KCNN3: variants seen among roughly 807,000 people sequenced by gnomAD.
The protein encoded by KCNN3 is small conductance calcium-activated potassium channel protein 3.
In KCNN3, 16 loss-of-function variants were observed where a neutral mutation model predicts 62.9. That is an observed-to-expected ratio of 0.25 (90% CI 0.17 to 0.39). The LOEUF (loss-of-function observed/expected upper bound fraction) is 0.39, where lower values mean the gene tolerates loss of function less well. Among genes scored for constraint, KCNN3 ranks in the 10% least tolerant of loss-of-function variants. KCNN3 has a pLI of 1.00. For missense variants in KCNN3, 599 were observed against 949.4 expected (o/e 0.63, Z 4.85); for synonymous variants, 370 against 389.2 (o/e 0.95, Z 0.58).
intron 4 of KCNN3, among the ~76,000 whole-genome samples, chr1:154,726,878 G>A (rs1289146037): frequency 6.6e-6 from 1 of 152,228 alleles, no homozygotes; most frequent in African/African-American, 2.4e-5. Context: ...GGGCAAGGAA[G>A]CAGGCTCTGC....
intron 5 of KCNN3, among the ~76,000 whole-genome samples, chr1:154,718,662 G>A (rs1016044523): frequency 5.9e-5 from 9 of 152,166 alleles, no homozygotes; most frequent in East Asian, 1.9e-4. Context: ...CTGCGCTTAC[G>A]GAACTTACAA....
In KCNN3 at chr1:154,784,511, C is replaced by G. The variant is rs575364566; in HGVS notation, c.1030-12118G>C. Reference sequence around the variant, plus strand: ...GAGACCTCCAGATCCAGCGTCCCACCCTTCCACAGGCCTAAGCTGGTCCCT... The same window carrying G: ...GAGACCTCCAGATCCAGCGTCCCACGCTTCCACAGGCCTAAGCTGGTCCCT... On this transcript the variant is annotated intron_variant, in intron 2 of 7. Transcript: ENST00000271915. 3.9e-5 allele frequency among the ~76,000 whole-genome samples: 6 copies of G among 152,352 alleles called. No individual in the cohort carries two copies. In the East Asian group the frequency reaches 9.6e-4, roughly 24 times the overall value.
At chr1:154,795,814 C>A (rs1649711349) in intron 2 of KCNN3, among the ~76,000 whole-genome samples, 1 of 152,114 alleles carries the variant, frequency 6.6e-6, no homozygotes, top group Non-Finnish European at 1.5e-5. Flanking sequence ...GCACAGGGGA[C>A]TCCAGGGTAA....
rs188026124 is a variant in KCNN3, at chr1:154,791,951, C to G, written c.1030-19558G>C. ...TATAATACCCTGTCTGTAAAAGCAT[C>G]CTTCTGCTTCCACTGGCCAGGAAGA... On this transcript the variant is annotated intron_variant, in intron 2 of 7. Transcript: ENST00000271915. 3.3e-5 allele frequency among the ~76,000 whole-genome samples: 5 copies of G among 152,328 alleles called. No homozygotes were observed. The East Asian group carries it at 9.6e-4, about 29-fold the overall frequency.
chr1:154,758,911 G>A (rs1048321524), intron 3 of KCNN3, among the ~76,000 whole-genome samples: 1 of 152,040 alleles, frequency 6.6e-6, no homozygotes, highest in African/African-American at 2.4e-5. Flanking sequence ...GAGTTCAAGC[G>A]ATTCTCTTGC....
Position 154,708,331 on chromosome 1 carries a change from G to A in KCNN3, c.1900-59C>T, listed in dbSNP as rs529986298. 13 of 1,554,366 alleles carry A rather than the reference G, an allele frequency of 8.4e-6. No individual in the cohort carries two copies. The African/African-American group carries it at 1.8e-4, about 21-fold the overall frequency. On this transcript the variant is annotated intron_variant, in intron 7 of 7. Coordinates refer to ENST00000271915, the MANE Select transcript of KCNN3 (RefSeq NM_002249.6). ...ATGACAGGTCATCACAGAGGAATCTGCAATGGGAGAAATGAAACGCCCTCC... is the reference window on the plus strand; with the variant it reads ...ATGACAGGTCATCACAGAGGAATCTACAATGGGAGAAATGAAACGCCCTCC...
At chr1:154,823,718 A>T (rs1195389102) in intron 1 of KCNN3, among the ~76,000 whole-genome samples, 2 of 152,220 alleles carry the variant, frequency 1.3e-5, no homozygotes, top group Admixed American at 1.3e-4. Context: ...TGAAACCTAC[A>T]GTAGAGCTAG....
At chr1:154,844,580 C>G (rs952992220) in intron 1 of KCNN3, among the ~76,000 whole-genome samples, 46 of 152,368 alleles carry the variant, frequency 3.0e-4, no homozygotes, top group African/African-American at 1.1e-3. Context: ...TCAGTAACAA[C>G]AAAACCCCCA....
At chr1:154,744,991 G>A (rs962022812) in intron 3 of KCNN3, among the ~76,000 whole-genome samples, 1 of 150,770 alleles carries the variant, frequency 6.6e-6, no homozygotes, top group African/African-American at 2.4e-5. Flanking sequence ...ATCTTAAAAT[G>A]TAAAATAAAT....
intron 2 of KCNN3, among the ~76,000 whole-genome samples, chr1:154,786,097 C>T (rs780726571): frequency 3.9e-5 from 6 of 152,220 alleles, no homozygotes; most frequent in Non-Finnish European, 7.3e-5. Flanking sequence ...TTCCTGTCCA[C>T]CTGCTTGTCA....
At chr1:154,763,186 G>A (rs1390734980) in intron 3 of KCNN3, among the ~76,000 whole-genome samples, 4 of 151,896 alleles carry the variant, frequency 2.6e-5, no homozygotes, top group Admixed American at 1.3e-4. Context: ...CTAATTTTGT[G>A]TTTTCTTTTT....
rs115129957 is a variant in KCNN3, at chr1:154,794,199, A to G, written c.1030-21806T>C. 3.2e-3 allele frequency among the ~76,000 whole-genome samples: 480 copies of G among 152,356 alleles called. 5 individuals carry two copies. The highest frequency in any genetic ancestry group is 0.01 in the African/African-American group (427 of 41,590). On this transcript the variant is annotated intron_variant, in intron 2 of 7. Transcript: ENST00000271915. ...TGGATCAATCTAGGCTCCTTGGAGT[A>G]CTTACCACAGTTGTAATTTTACAGT...
chr1:154,744,196 AT>A (rs1263872461), intron 3 of KCNN3, among the ~76,000 whole-genome samples: 1 of 149,558 alleles, frequency 6.7e-6, no homozygotes, highest in African/African-American at 2.5e-5. Flanking sequence ...TTACTGCTGT[AT>A]CCCTAGTACT....
chr1:154,788,994 C>T (rs1649400108), intron 2 of KCNN3, among the ~76,000 whole-genome samples: 1 of 152,230 alleles, frequency 6.6e-6, no homozygotes. Flanking sequence ...CTTATTGCTG[C>T]TGTAACACAT....
rs1650316237 is a variant in KCNN3, at chr1:154,809,594, A to C, written c.1029+12495T>G. On this transcript the variant is annotated intron_variant, in intron 2 of 7. Coordinates refer to ENST00000271915, the MANE Select transcript of KCNN3 (RefSeq NM_002249.6). This position sits in a 1 kb window ranked among gnomAD's most constrained non-coding sequence, Gnocchi z 4.3. ...TGGTTTAGATGAAGCTATTATACTCAGGCTCATCACATGTGGGAGGGCAGG... is the reference window on the plus strand; with the variant it reads ...TGGTTTAGATGAAGCTATTATACTCCGGCTCATCACATGTGGGAGGGCAGG... Among the ~76,000 whole-genome samples, 1 of 152,252 alleles carries C rather than the reference A, an allele frequency of 6.6e-6. No homozygotes were observed. Among genetic ancestry groups the C allele is most frequent in the South Asian group, 2.1e-4 (1 of 4,834 alleles).
chr1:154,788,372 A>G (rs185509329), intron 2 of KCNN3, among the ~76,000 whole-genome samples: 2 of 152,362 alleles, frequency 1.3e-5, no homozygotes, highest in African/African-American at 2.4e-5. Flanking sequence ...TCAGAGATTC[A>G]TCAGGCTCAT....
chr1:154,797,103 A>T (rs1000307395), intron 2 of KCNN3, among the ~76,000 whole-genome samples: 1 of 152,234 alleles, frequency 6.6e-6, no homozygotes, highest in African/African-American at 2.4e-5. Context: ...GGAGAGGGTA[A>T]GACCATCTAG....
intron 5 of KCNN3, among the ~76,000 whole-genome samples, chr1:154,720,640 C>T (rs1337678841): frequency 6.6e-6 from 1 of 152,184 alleles, no homozygotes; most frequent in Non-Finnish European, 1.5e-5. Flanking sequence ...GAAAAGTTTT[C>T]TTCAGTGTCA....
chr1:154,864,013 G>A lies in KCNN3; in HGVS notation c.933+5019C>T, dbSNP rs114188884. Among the ~76,000 whole-genome samples, 356 of 152,322 alleles carry A rather than the reference G, an allele frequency of 2.3e-3. 1 individual carries two copies. The highest frequency in any genetic ancestry group is 8.3e-3 in the African/African-American group (345 of 41,556). ...TCACCACCACCCTGGGGCGGGTGGC[G>A]GAGAAGGCCATTTTCACGCTGTCAA... is the stretch of plus-strand genomic sequence containing the variant. On this transcript the variant is annotated intron_variant, in intron 1 of 7. Transcript: ENST00000271915.
Sources: allele counts gnomAD v4.1 joint callset (sites outside exome capture counted in the v4.1 genomes callset), GRCh38; gene constraint gnomAD v4.1.1; non-coding constraint Gnocchi (gnomAD v3.1); transcripts MANE v1.5; gene names NCBI Gene and HGNC (gene_info 2026-07-23, HGNC 2026-07-21).